Variants in SPTBN1 observed in about 807,000 individuals in gnomAD.
The protein encoded by SPTBN1 is spectrin beta chain, non-erythrocytic 1.
In SPTBN1, 32 loss-of-function variants were observed where a neutral mutation model predicts 266.4. The observed-to-expected ratio is 0.12, with a 90% confidence interval of 0.09 to 0.16. The LOEUF (loss-of-function observed/expected upper bound fraction) is 0.16. SPTBN1 is among the 10% of genes least tolerant of loss of function. The pLI, the probability that SPTBN1 is intolerant of heterozygous loss-of-function variation, is 1.00. For missense variants in SPTBN1, 2,296 were observed against 3,067.1 expected (o/e 0.75, Z 5.94); for synonymous variants, 1,336 against 1,162.2 (o/e 1.15, Z -3.04).
chr2:54,655,966 A>C lies in SPTBN1; in HGVS notation c.6014A>C (p.Lys2005Thr), dbSNP rs1680625473. The C allele has an allele frequency of 6.2e-7, 1 of 1,613,494 alleles. No individual in the cohort carries two copies. The highest frequency in any genetic ancestry group is 8.5e-7 in the Non-Finnish European group (1 of 1,179,624). ...LTEKRKEMIDKWEDRWEWLRL... is the reference protein window; with the variant it reads ...LTEKRKEMIDTWEDRWEWLRL... ...GAAAAGAGGAAAGAAATGATCGACA[A>C]GTGGGAAGACCGATGGGAATGGTTA... Residue 2005 changes from lysine to threonine, a missense_variant, in exon 29 of 36, where the codon AAG becomes ACG. Coordinates refer to ENST00000356805, the MANE Select transcript of SPTBN1 (RefSeq NM_003128.3).
chr2:54,656,027 T>C (rs1219580898), intron 29 of SPTBN1, 29 bp downstream of exon 29: 1 of 1,572,120 alleles, frequency 6.4e-7, no homozygotes, highest in Non-Finnish European at 8.7e-7. Flanking sequence ...TTTCTGCTCT[T>C]TTGGGTATCA....
intron 1 of SPTBN1, among the ~76,000 whole-genome samples, chr2:54,505,209 A>G (rs931781301): frequency 1.3e-5 from 2 of 152,208 alleles, no homozygotes; most frequent in South Asian, 4.1e-4. Flanking sequence ...AATGGTGTGA[A>G]TACTTGGTGG....
At chr2:54,567,351 A>C (rs1673733040) in intron 2 of SPTBN1, among the ~76,000 whole-genome samples, 1 of 151,586 alleles carries the variant, frequency 6.6e-6, no homozygotes, top group Non-Finnish European at 1.5e-5. Context: ...TTATTTATTT[A>C]TTTATTTTTG....
chr2:54,458,782 T>G (rs1484055247), intron 1 of SPTBN1, among the ~76,000 whole-genome samples: 1 of 152,212 alleles, frequency 6.6e-6, no homozygotes, highest in African/African-American at 2.4e-5. Flanking sequence ...CTAAAATGTT[T>G]AGGTGAAAAA....
chr2:54,628,916 T>C lies in SPTBN1; in HGVS notation c.1799-17T>C. ...AGCTCCCTCACACAGCCACGTTCCT[T>C]CCTTGATGTTAAACAGGTTACAAGC... is the stretch of plus-strand genomic sequence containing the variant. On this transcript the variant is annotated splice_polypyrimidine_tract_variant and intron_variant, in intron 13 of 35. Transcript: ENST00000356805. The surrounding 1 kb of genome is among the most constrained non-coding windows in gnomAD (Gnocchi z 4.3). 6 of 1,564,566 alleles carry C rather than the reference T, an allele frequency of 3.8e-6. No homozygotes were observed. Among genetic ancestry groups the C allele is most frequent in the Non-Finnish European group, 5.2e-6 (6 of 1,155,598 alleles).
Position 54,646,005 on chromosome 2 carries a change from A to G in SPTBN1, c.4572A>G (p.Ile1524Met). The change falls in exon 22 of 36, where the codon ATA (isoleucine) becomes ATG (methionine). Residue 1524 changes from isoleucine (I) to methionine (M), a missense_variant. Ile to Met is a conservative substitution (Grantham distance 10). This residue lies in a region of SPTBN1 where 644 missense variants were observed against 745.3 expected (regional missense o/e 0.86). Coordinates refer to ENST00000356805, the MANE Select transcript of SPTBN1 (RefSeq NM_003128.3). The surrounding 1 kb of genome is among the most constrained non-coding windows in gnomAD (Gnocchi z 4.4). ...GHNLQTVQLL[I>M]KKNQTLQKEI... The stretch of plus-strand genomic sequence containing the variant: ...ACCTCCAGACTGTGCAGCTGTTAAT[A>G]AAGAAAAATCAGGTAAGCCTTTCTG... The G allele has an allele frequency of 6.2e-7, 1 of 1,614,158 alleles. No individual in the cohort carries two copies. The highest frequency in any genetic ancestry group is 8.5e-7 in the Non-Finnish European group (1 of 1,180,040).
At chr2:54,522,697 G>GAGAAAGAAAGAAAGAA (rs1466233306) in intron 1 of SPTBN1, among the ~76,000 whole-genome samples, 3 of 97,270 alleles carry the variant, frequency 3.1e-5, no homozygotes, top group African/African-American at 1.2e-4. Flanking sequence ...GAGAGAGAGA[G>GAGAAAGAAAGAAAGAA]AGAAAGAAAG....
intron 18 of SPTBN1, among the ~76,000 whole-genome samples, chr2:54,641,353 A>G (rs1413852776): frequency 6.6e-6 from 1 of 152,198 alleles, no homozygotes; most frequent in Non-Finnish European, 1.5e-5. Flanking sequence ...TAGCGAAAAT[A>G]TGTGAATGTC....
rs1162171708 is a variant in SPTBN1 at position 54,540,138 on chromosome 2, CTG to C, written c.148+13575_148+13576del. Among the ~76,000 whole-genome samples, 1 of 152,148 alleles carries C rather than the reference CTG, an allele frequency of 6.6e-6. No homozygotes were observed. Among genetic ancestry groups the C allele is most frequent in the Admixed American group, 6.5e-5 (1 of 15,272 alleles). On this transcript the variant is annotated intron_variant, in intron 2 of 35. Transcript: ENST00000356805. The surrounding 1 kb of genome is among the most constrained non-coding windows in gnomAD (Gnocchi z 5.6). The stretch of plus-strand genomic sequence containing the variant: ...GCACCCTGACTTCCAGCCTCCAGAA[CTG>C]TGAGAGAGAAATGGTTGTTGGTTAA...
chr2:54,592,841 GC>G (rs1675773832), intron 2 of SPTBN1, among the ~76,000 whole-genome samples: 1 of 152,192 alleles, frequency 6.6e-6, no homozygotes, highest in African/African-American at 2.4e-5. Flanking sequence ...GAGAGAAAGA[GC>G]CGAGGACCTC....
rs537873383 is a variant in SPTBN1, at chr2:54,559,979, A to G, written c.148+33413A>G. Among the ~76,000 whole-genome samples the G allele has an allele frequency of 5.9e-5, 9 of 152,256 alleles. No individual in the cohort carries two copies. The South Asian group carries it at 1.7e-3, about 28-fold the overall frequency. On this transcript the variant is annotated intron_variant, in intron 2 of 35. Coordinates refer to ENST00000356805, the MANE Select transcript of SPTBN1 (RefSeq NM_003128.3). ...GTTGACAGTAATGACACTTCTCTGG[A>G]AAACGAGGCAGAACAGGACGTGATT...
At chr2:54,516,513 G>T (rs946139215) in intron 1 of SPTBN1, among the ~76,000 whole-genome samples, 1 of 152,078 alleles carries the variant, frequency 6.6e-6, no homozygotes, top group Non-Finnish European at 1.5e-5. Flanking sequence ...AACTCTTGGG[G>T]CCCCAGTTTC....
At chr2:54,588,103 C>T (rs6706263) in intron 2 of SPTBN1, among the ~76,000 whole-genome samples, 51,230 of 151,964 alleles carry the variant, frequency 0.34, 11,191 homozygotes, top group African/African-American at 0.63. Context: ...CCAGGACATG[C>T]CAAACTTTTT....
At chr2:54,468,618 T>A (rs185916159) in intron 1 of SPTBN1, among the ~76,000 whole-genome samples, 5 of 152,282 alleles carry the variant, frequency 3.3e-5, no homozygotes, top group Admixed American at 2.6e-4. Flanking sequence ...CCCTGAGCTG[T>A]TTTAGGGGTG....
intron 3 of SPTBN1, among the ~76,000 whole-genome samples, chr2:54,611,038 C>G (rs534613801): frequency 1.3e-5 from 2 of 152,196 alleles, no homozygotes; most frequent in South Asian, 4.1e-4. Context: ...CAGTACATAC[C>G]AAGATTTAAT....
rs1271728562 is a variant in SPTBN1, at chr2:54,646,547, GC to G, written c.4866+73del. 1 of 1,421,728 alleles carries G rather than the reference GC, an allele frequency of 7.0e-7. No homozygotes were observed. Among genetic ancestry groups the G allele is most frequent in the African/African-American group, 1.4e-5 (1 of 69,406 alleles). The allele number at this position is 1,421,728 out of a possible 1,614,324, so 88.1% of individuals were successfully genotyped here. ...CAAACCCTGGGCACACTTTCTGCTG[GC>G]GGCTCTGTCTGTATAAAAACTTCCC... On this transcript the variant is annotated intron_variant, in intron 23 of 35. Coordinates refer to ENST00000356805, the MANE Select transcript of SPTBN1 (RefSeq NM_003128.3). The surrounding 1 kb of genome is among the most constrained non-coding windows in gnomAD (Gnocchi z 4.4).
chr2:54,663,263 T>C (rs1255885661), intron 32 of SPTBN1: 1 of 152,256 alleles, frequency 6.6e-6, no homozygotes, highest in Non-Finnish European at 1.5e-5. Flanking sequence ...ACTTTGGTCT[T>C]GGGCAGCAGT....
At chr2:54,477,758 A>G (rs1026235460) in intron 1 of SPTBN1, among the ~76,000 whole-genome samples, 8 of 152,166 alleles carry the variant, frequency 5.3e-5, no homozygotes, top group Admixed American at 4.6e-4. Flanking sequence ...CTAAAAATGC[A>G]AAAATTAGCT....
chr2:54,670,199 A>G lies in SPTBN1; in HGVS notation c.*1630A>G, dbSNP rs1681641629. ...GTAAAGTCTATTTTATACAGATCAG[A>G]CCAAAAAGAAGAAAAAAAAAAAACA... On this transcript the variant is annotated 3_prime_UTR_variant, in exon 36 of 36. Coordinates refer to ENST00000356805, the MANE Select transcript of SPTBN1 (RefSeq NM_003128.3). 1 of 152,206 alleles carries G rather than the reference A, an allele frequency of 6.6e-6. No homozygotes were observed. The highest frequency in any genetic ancestry group is 2.4e-5 in the African/African-American group (1 of 41,278). The allele number at this position is 152,206 out of a possible 1,614,324, so 9.4% of individuals were successfully genotyped here. A position where few individuals can be genotyped will look rare whatever the true frequency, so the allele number is the denominator to read the frequency against.
Sources: gnomAD v4.1 joint callset for allele counts (sites outside exome capture counted in the v4.1 genomes callset) on GRCh38, gnomAD v4.1.1 for gene constraint, gnomAD v4.1.1 regional missense constraint, Gnocchi (gnomAD v3.1) non-coding constraint, MANE v1.5 for transcripts, NCBI Gene and HGNC (gene_info 2026-07-23, HGNC 2026-07-21) for gene names.